The following SNX29 variants were observed in gnomAD, a reference collection of about 807,000 sequenced individuals.
The protein encoded by SNX29 is sorting nexin-29.
SNX29 carries 78 observed loss-of-function variants against 102.1 expected under a neutral mutation model. The ratio of observed to expected loss-of-function variants is 0.76; its 90% CI spans 0.64 to 0.92. The LOEUF is 0.92. SNX29 is among the 40% of genes least tolerant of loss of function. The pLI is 0.00. For missense variants in SNX29, 1,280 were observed against 1,061.7 expected, an observed-to-expected ratio of 1.21 and a Z score of -2.86; for synonymous variants, 580 against 414.5, an observed-to-expected ratio of 1.40 and a Z score of -4.85.
At chr16:12,165,955 C>A (rs1332055494) in intron 13 of SNX29, among the ~76,000 whole-genome samples, 2 of 152,230 alleles carry the variant, frequency 1.3e-5, no homozygotes, top group African/African-American at 4.8e-5. Context: ...CCTCTCTAGG[C>A]CGTGTTTGAC....
chr16:12,147,335 A>G (rs748316598), intron 13 of SNX29, among the ~76,000 whole-genome samples: 1 of 152,230 alleles, frequency 6.6e-6, no homozygotes, highest in South Asian at 2.1e-4. Flanking sequence ...CAGAAGCAGG[A>G]GGAAATAAAA....
intron 14 of SNX29, among the ~76,000 whole-genome samples, chr16:12,241,636 A>AT (rs1291465295): frequency 5.9e-5 from 9 of 151,896 alleles, no homozygotes; most frequent in African/African-American, 2.2e-4. Flanking sequence ...TAATTTTTGT[A>AT]TTTTTAGTAG....
chr16:12,025,101 A>T (rs1391750937), intron 3 of SNX29, among the ~76,000 whole-genome samples: 1 of 152,070 alleles, frequency 6.6e-6, no homozygotes, highest in East Asian at 1.9e-4. Flanking sequence ...CAGGAGTTGG[A>T]GACCAGCCTG....
At position 12,572,334 on chromosome 16, in the gene SNX29, A is replaced by G; in HGVS notation, c.*3705A>G. Reference sequence around the variant, plus strand: ...GTTGGAAACAGGAGTGAAGCCCACCAGCCTGCCTGGTTGATGGACAGCAGG... The same window carrying G: ...GTTGGAAACAGGAGTGAAGCCCACCGGCCTGCCTGGTTGATGGACAGCAGG... On this transcript the variant is annotated 3_prime_UTR_variant, in exon 21 of 21. Transcript: ENST00000566228. 1 of 1,063,236 alleles carries G rather than the reference A, an allele frequency of 9.4e-7. No individual in the cohort carries two copies. The highest frequency in any genetic ancestry group is 4.5e-5 in the South Asian group (1 of 21,980). The allele number at this position is 1,063,236 out of a possible 1,614,324, so 65.9% of individuals were successfully genotyped here.
chr16:12,014,603 A>C (rs2056785620), intron 3 of SNX29, among the ~76,000 whole-genome samples: 1 of 151,804 alleles, frequency 6.6e-6, no homozygotes, highest in Non-Finnish European at 1.5e-5. Context: ...GTGGTGGTGC[A>C]TGCCTGTAAT....
At chr16:12,530,902 T>C (rs1474720805) in intron 20 of SNX29, among the ~76,000 whole-genome samples, 2 of 152,178 alleles carry the variant, frequency 1.3e-5, no homozygotes, top group African/African-American at 4.8e-5. Flanking sequence ...TGAAAGGTAA[T>C]AGTATCCACC....
intron 13 of SNX29, among the ~76,000 whole-genome samples, chr16:12,144,923 G>A (rs1157197162): frequency 2.0e-5 from 3 of 152,112 alleles, no homozygotes; most frequent in African/African-American, 4.8e-5. Context: ...GGGTTTCACC[G>A]GGTTAGCCAG....
chr16:12,430,811 A>G lies in SNX29; in HGVS notation c.2037+27282A>G, dbSNP rs564518278. Among the ~76,000 whole-genome samples, 5 of 151,384 alleles carry G rather than the reference A, an allele frequency of 3.3e-5. No individual in the cohort carries two copies. In the South Asian group the frequency reaches 1.0e-3, roughly 32 times the overall value. Reference sequence around the variant, plus strand: ...CCTTAGTCCACTTGTAAGTGGTGACAGTCATAAAAGCTTCCAGGAGGGGGT... The same window carrying G: ...CCTTAGTCCACTTGTAAGTGGTGACGGTCATAAAAGCTTCCAGGAGGGGGT... On this transcript the variant is annotated intron_variant, in intron 18 of 20. Coordinates refer to ENST00000566228, the MANE Select transcript of SNX29 (RefSeq NM_032167.5).
chr16:12,562,952 A>T (rs981622397), intron 20 of SNX29, among the ~76,000 whole-genome samples: 1 of 152,186 alleles, frequency 6.6e-6, no homozygotes, highest in African/African-American at 2.4e-5. Context: ...AGAAGCAAAC[A>T]TTCACCCAAC....
chr16:12,406,826 T>G lies in SNX29; in HGVS notation c.2037+3297T>G, dbSNP rs553444261. Among the ~76,000 whole-genome samples the G allele has an allele frequency of 7.8e-4, 118 of 152,222 alleles. 1 individual carries two copies. The highest frequency in any genetic ancestry group is 2.7e-3 in the African/African-American group (112 of 41,540). ...TGGGAGGCTGAGACAGGACAATCGC[T>G]TGAACCTGGGAGGCAGAGGTTGCAG... On this transcript the variant is annotated intron_variant, in intron 18 of 20. Coordinates refer to ENST00000566228, the MANE Select transcript of SNX29 (RefSeq NM_032167.5).
Position 12,462,058 on chromosome 16 carries a change from A to G in SNX29, c.2038-15661A>G, listed in dbSNP as rs192203464. ...ACACACACACACTCTTATATATGAG[A>G]AAATATCCAGACCAGTGTGGAGATC... On this transcript the variant is annotated intron_variant, in intron 18 of 20. Coordinates refer to ENST00000566228, the MANE Select transcript of SNX29 (RefSeq NM_032167.5). Among the ~76,000 whole-genome samples, 770 of 136,800 alleles carry G rather than the reference A, an allele frequency of 5.6e-3. 8 individuals are homozygous for G. Among genetic ancestry groups the G allele is most frequent in the African/African-American group, 0.021 (749 of 34,882 alleles). 89.7% of individuals were successfully genotyped at this position (136,800 alleles called of 152,430 possible).
At chr16:12,068,730 A>C (rs2051153787) in intron 9 of SNX29, among the ~76,000 whole-genome samples, 1 of 152,044 alleles carries the variant, frequency 6.6e-6, no homozygotes, top group African/African-American at 2.4e-5. Flanking sequence ...TTTTTAGTAG[A>C]GATGGGGTTT....
intron 20 of SNX29, among the ~76,000 whole-genome samples, chr16:12,535,977 A>C (rs2077066186): frequency 6.6e-6 from 1 of 152,132 alleles, no homozygotes. Flanking sequence ...CCCGGCTGAG[A>C]AAAGGGGTCT....
chr16:12,267,316 A>G (rs1160345301), intron 14 of SNX29, among the ~76,000 whole-genome samples: 2 of 151,902 alleles, frequency 1.3e-5, no homozygotes, highest in African/African-American at 4.8e-5. Flanking sequence ...ACGGCCTTGG[A>G]TGTTCCCAAG....
At chr16:12,110,473 A>G (rs1295142731) in intron 11 of SNX29, among the ~76,000 whole-genome samples, 1 of 152,162 alleles carries the variant, frequency 6.6e-6, no homozygotes, top group Non-Finnish European at 1.5e-5. Context: ...CAGAAGCAAG[A>G]GTCCAGCTTT....
At chr16:12,180,267 T>C (rs936819613) in intron 13 of SNX29, among the ~76,000 whole-genome samples, 2 of 152,220 alleles carry the variant, frequency 1.3e-5, no homozygotes, top group Non-Finnish European at 2.9e-5. Context: ...ATACTTTCTT[T>C]AATGTTCTGA....
At chr16:12,083,432 C>A (rs1209091774) in intron 11 of SNX29, among the ~76,000 whole-genome samples, 5 of 152,138 alleles carry the variant, frequency 3.3e-5, no homozygotes, top group Non-Finnish European at 7.3e-5. Flanking sequence ...CAGCCACCTT[C>A]TCTCTGTCCT....
At chr16:12,314,433 C>T (rs1020323259) in intron 15 of SNX29, among the ~76,000 whole-genome samples, 2 of 152,226 alleles carry the variant, frequency 1.3e-5, no homozygotes, top group Non-Finnish European at 2.9e-5. Context: ...AGGCTGGACT[C>T]TTGGCTCCGT....
intron 14 of SNX29, among the ~76,000 whole-genome samples, chr16:12,225,744 C>A (rs376868724): frequency 1.3e-5 from 2 of 152,184 alleles, no homozygotes; most frequent in East Asian, 3.9e-4. Context: ...GGAGCTGATA[C>A]AGGGATTTGA....
Sources: gnomAD v4.1 joint callset for allele counts (sites outside exome capture counted in the v4.1 genomes callset) on GRCh38, gnomAD v4.1.1 for gene constraint, MANE v1.5 for transcripts, NCBI Gene and HGNC (gene_info 2026-07-23, HGNC 2026-07-21) for gene names.